The following CNTN6 variants were observed in gnomAD, a reference collection of about 807,000 sequenced individuals.
CNTN6 encodes the protein contactin-6.
A neutral mutation model predicts 122.8 loss-of-function variants in CNTN6; 137 were observed. The observed-to-expected ratio is 1.12, with a 90% CI of 0.97 to 1.29. The LOEUF is 1.29. CNTN6 is among the 50% of genes most tolerant of loss of function. The pLI is 0.00. For synonymous variants in CNTN6, 570 were observed against 426.0 expected, an observed-to-expected ratio of 1.34 and a Z score of -4.16; for missense variants, 1,634 against 1,223.4, an observed-to-expected ratio of 1.34 and a Z score of -5.01.
At chr3:1,308,132 G>A (rs1248519218) in intron 7 of CNTN6, among the ~76,000 whole-genome samples, 4 of 152,090 alleles carry the variant, frequency 2.6e-5, no homozygotes, top group African/African-American at 7.2e-5. Context: ...ACTTCTGTCA[G>A]TACTGACTCA....
chr3:1,367,701 TGTG>T (rs1015978000), intron 12 of CNTN6, among the ~76,000 whole-genome samples: 1 of 152,022 alleles, frequency 6.6e-6, no homozygotes, highest in African/African-American at 2.4e-5. Context: ...CAGCAGTTGG[TGTG>T]GTGTGCAGGT....
Position 1,118,094 on chromosome 3 carries a change from A to G in CNTN6, c.-83+24974A>G, listed in dbSNP as rs1461387741. On this transcript the variant is annotated intron_variant, in intron 1 of 22. Transcript: ENST00000446702. ...CATGTTTTCAAGAGGATTAAATTAT[A>G]TGCTCCGTACTTAGTAAGGCTAAAT... 2.6e-5 allele frequency among the ~76,000 whole-genome samples: 4 copies of G among 152,190 alleles called. No individual in the cohort carries two copies. In the East Asian group the frequency reaches 7.7e-4, roughly 29 times the overall value.
At chr3:1,395,325 G>C (rs58961065) in intron 20 of CNTN6, among the ~76,000 whole-genome samples, 1 of 152,146 alleles carries the variant, frequency 6.6e-6, no homozygotes. Context: ...TCAGGAGTTA[G>C]ACAGGGGTTT....
At chr3:1,167,572 CTT>C (rs1227079417) in intron 2 of CNTN6, among the ~76,000 whole-genome samples, 2 of 144,358 alleles carry the variant, frequency 1.4e-5, no homozygotes, top group Admixed American at 1.4e-4. Context: ...CTTTTACACT[CTT>C]TTAATCTCCC....
intron 2 of CNTN6, among the ~76,000 whole-genome samples, chr3:1,209,687 TA>T (rs3836246): frequency 0.57 from 87,107 of 151,998 alleles, 26,655 homozygotes; most frequent in East Asian, 0.82. Flanking sequence ...TCCCAGCCCT[TA>T]AATACTGAGC....
At position 1,171,954 on chromosome 3, in the gene CNTN6, G is replaced by A. The variant is rs557311372; in HGVS notation, c.55+23891G>A. The stretch of plus-strand genomic sequence containing the variant: ...AATGCTCATAATTCTAAAGAACCAT[G>A]TTGCATCGTGCCTTCTCATAAAGCC... On this transcript the variant is annotated intron_variant, in intron 2 of 22. Coordinates refer to ENST00000446702, the MANE Select transcript of CNTN6 (RefSeq NM_001289080.2). 2.0e-5 allele frequency among the ~76,000 whole-genome samples: 3 copies of A among 152,242 alleles called. No homozygotes were observed. The East Asian group carries it at 5.8e-4, about 29-fold the overall frequency.
At chr3:1,397,678 C>T (rs142903375) in intron 20 of CNTN6, among the ~76,000 whole-genome samples, 40 of 152,206 alleles carry the variant, frequency 2.6e-4, no homozygotes, top group Non-Finnish European at 4.7e-4. Flanking sequence ...AGTATTCAGA[C>T]GCAATAACTA....
At position 1,220,693 on chromosome 3, in the gene CNTN6, G is replaced by C; in HGVS notation, c.62G>C (p.Gly21Ala). 6.2e-7 allele frequency: 1 copy of C among 1,603,112 alleles called. No homozygotes were observed. The highest frequency in any genetic ancestry group is 2.2e-5 in the East Asian group (1 of 44,734). Residue 21 changes from glycine (G) to alanine (A), a missense_variant, in exon 3 of 23, where the codon GGT (glycine) becomes GCT (alanine). Physicochemically the swap from Gly to Ala is moderately conservative, Grantham distance 60. Coordinates refer to ENST00000446702, the MANE Select transcript of CNTN6 (RefSeq NM_001289080.2). ...TATTCTTTTCTTTTCCCAGGTGATG[G>C]TCTTTTAAGCCGTCCTATTTTTACT... ...LPLINSSAGDGLLSRPIFTQE... is the reference protein window; with the variant it reads ...LPLINSSAGDALLSRPIFTQE...
chr3:1,344,257 T>A (rs988091249), intron 11 of CNTN6, among the ~76,000 whole-genome samples: 2 of 152,144 alleles, frequency 1.3e-5, no homozygotes, highest in Non-Finnish European at 1.5e-5. Flanking sequence ...GATGATTGTA[T>A]CTTACTGCAC....
chr3:1,287,423 C>T (rs1559715816), intron 5 of CNTN6, among the ~76,000 whole-genome samples: 1 of 152,158 alleles, frequency 6.6e-6, no homozygotes, highest in Non-Finnish European at 1.5e-5. Context: ...CAGCCCATCT[C>T]TTACATTCAC....
intron 2 of CNTN6, among the ~76,000 whole-genome samples, chr3:1,175,582 T>G (rs1297042711): frequency 1.3e-5 from 2 of 152,212 alleles, no homozygotes; most frequent in Non-Finnish European, 2.9e-5. Context: ...GATACTCTAC[T>G]ATATTGTAAA....
At chr3:1,250,858 C>A (rs2094654449) in intron 4 of CNTN6, among the ~76,000 whole-genome samples, 1 of 152,146 alleles carries the variant, frequency 6.6e-6, no homozygotes, top group African/African-American at 2.4e-5. Context: ...TTCTCCAATA[C>A]CCCTCTTACC....
intron 2 of CNTN6, among the ~76,000 whole-genome samples, chr3:1,201,228 C>T (rs1218840298): frequency 6.6e-6 from 1 of 151,996 alleles, no homozygotes; most frequent in African/African-American, 2.4e-5. Context: ...TCACCTTGGC[C>T]TCCCAAAGTG....
intron 2 of CNTN6, among the ~76,000 whole-genome samples, chr3:1,197,666 G>T (rs898281187): frequency 6.6e-6 from 1 of 152,136 alleles, no homozygotes; most frequent in African/African-American, 2.4e-5. Flanking sequence ...AGTGATAAGG[G>T]GTGAGGGCTC....
chr3:1,119,196 T>C (rs1004984985), intron 1 of CNTN6, among the ~76,000 whole-genome samples: 1 of 151,962 alleles, frequency 6.6e-6, no homozygotes, highest in Non-Finnish European at 1.5e-5. Flanking sequence ...TTTCAGGTTT[T>C]TTTTTTTTAA....
At chr3:1,159,246 C>G (rs1003045040) in intron 2 of CNTN6, among the ~76,000 whole-genome samples, 4 of 151,864 alleles carry the variant, frequency 2.6e-5, no homozygotes, top group Non-Finnish European at 4.4e-5. Context: ...TGAACAGTCC[C>G]AAGCCCTATA....
chr3:1,201,099 T>TGTG (rs2093862065), intron 2 of CNTN6, among the ~76,000 whole-genome samples: 116 of 130,080 alleles, frequency 8.9e-4, no homozygotes, highest in African/African-American at 3.1e-3. Flanking sequence ...AGCTAACATT[T>TGTG]TGTGTGTGTG....
At chr3:1,398,184 A>C (rs1695222046) in intron 20 of CNTN6, among the ~76,000 whole-genome samples, 1 of 152,134 alleles carries the variant, frequency 6.6e-6, no homozygotes, top group Non-Finnish European at 1.5e-5. Context: ...GATGATAGAA[A>C]TTTTAATTTT....
chr3:1,215,533 CTG>C (rs1446039284), intron 2 of CNTN6, among the ~76,000 whole-genome samples: 1 of 152,042 alleles, frequency 6.6e-6, no homozygotes, highest in Admixed American at 6.5e-5. Flanking sequence ...GTTCTATTGT[CTG>C]TGTATTTTTT....
Sources: allele counts gnomAD v4.1 joint callset (sites outside exome capture counted in the v4.1 genomes callset), GRCh38; gene constraint gnomAD v4.1.1; transcripts MANE v1.5; gene names NCBI Gene and HGNC (gene_info 2026-07-23, HGNC 2026-07-21).